Variants in VWA8 observed in about 807,000 individuals in gnomAD.
VWA8 encodes von Willebrand factor A domain containing 8.
In VWA8, 221 loss-of-function variants were observed where a neutral mutation model predicts 241.5. The ratio of observed to expected loss-of-function variants is 0.91; its 90% confidence interval spans 0.82 to 1.02. The LOEUF is 1.02. VWA8 is among the 50% of genes least tolerant of loss of function. The pLI is 0.00. For missense variants in VWA8, 2,322 were observed against 2,328.7 expected, an observed-to-expected ratio of 1.00 and a Z score of 0.06; for synonymous variants, 852 against 827.1, an observed-to-expected ratio of 1.03 and a Z score of -0.52.
At chr13:41,743,953 A>C (rs2045586059) in intron 21 of VWA8, among the ~76,000 whole-genome samples, 1 of 152,236 alleles carries the variant, frequency 6.6e-6, no homozygotes. Context: ...CTCAAAGTTA[A>C]ACCTTTCTCT....
chr13:41,805,578 C>T (rs1458038811), intron 17 of VWA8, among the ~76,000 whole-genome samples: 1 of 152,054 alleles, frequency 6.6e-6, no homozygotes, highest in Non-Finnish European at 1.5e-5. Flanking sequence ...CTTTGGGAGG[C>T]TGAGATGGGC....
chr13:41,880,680 C>T (rs572872360), intron 9 of VWA8, among the ~76,000 whole-genome samples: 7 of 152,284 alleles, frequency 4.6e-5, no homozygotes, highest in African/African-American at 1.7e-4. Flanking sequence ...TACAATGACC[C>T]TCAACCTAGA....
intron 20 of VWA8, among the ~76,000 whole-genome samples, chr13:41,776,303 T>C (rs1868590020): frequency 6.6e-6 from 1 of 152,146 alleles, no homozygotes; most frequent in Non-Finnish European, 1.5e-5. Context: ...GTGAAACTCT[T>C]ATAAAAAATT....
chr13:41,573,484 A>AAATAAAT (rs1566372316), intron 43 of VWA8, among the ~76,000 whole-genome samples: 3 of 117,018 alleles, frequency 2.6e-5, no homozygotes, highest in African/African-American at 7.5e-5. Context: ...TAAAAAAAAA[A>AAATAAAT]AAATATATAT....
intron 4 of VWA8, chr13:41,905,108 A>G (rs1875646044): frequency 6.6e-6 from 1 of 152,148 alleles, no homozygotes; most frequent in African/African-American, 2.4e-5. Flanking sequence ...CATATTTCAA[A>G]AGGCACTTAG....
intron 9 of VWA8, among the ~76,000 whole-genome samples, chr13:41,870,395 T>C (rs1434059191): frequency 6.6e-6 from 1 of 152,010 alleles, no homozygotes; most frequent in Non-Finnish European, 1.5e-5. Flanking sequence ...TCCCAGCACT[T>C]TGGGAGGCAG....
chr13:41,891,402 A>C lies in VWA8; in HGVS notation c.651+18T>G, dbSNP rs752482123. 1.6e-5 allele frequency: 26 copies of C among 1,613,734 alleles called. No homozygotes were observed. The highest frequency in any genetic ancestry group is 2.7e-5 in the African/African-American group (2 of 74,914). On this transcript the variant is annotated intron_variant, in intron 5 of 44. Transcript: ENST00000379310. ...AGCTTGACAGCAAAGACAAAGCAAC[A>C]GGATTTTCTTTTCTTACTCGGAGAA...
chr13:41,834,068 T>C (rs572818536), intron 12 of VWA8, among the ~76,000 whole-genome samples: 4 of 152,306 alleles, frequency 2.6e-5, no homozygotes, highest in Non-Finnish European at 4.4e-5. Context: ...AGAGGCTTGA[T>C]AATGGAGGAA....
At chr13:41,875,664 C>T (rs1593836512) in intron 9 of VWA8, among the ~76,000 whole-genome samples, 1 of 151,770 alleles carries the variant, frequency 6.6e-6, no homozygotes, top group African/African-American at 2.4e-5. Flanking sequence ...TTGCTGTTTC[C>T]TTCTCAGTCT....
Position 41,870,397 on chromosome 13 carries a change from G to A in VWA8, c.1081-1920C>T, listed in dbSNP as rs922706921. Among the ~76,000 whole-genome samples, 3 of 152,298 alleles carry A rather than the reference G, an allele frequency of 2.0e-5. No individual in the cohort carries two copies. The East Asian group carries it at 5.8e-4, about 29-fold the overall frequency. ...CTAATGCCTATAATCCCAGCACTTT[G>A]GGAGGCAGAGATGGGTGGATCACTT... On this transcript the variant is annotated intron_variant, in intron 9 of 44. Transcript: ENST00000379310.
At chr13:41,902,744 T>C (rs1181296433) in intron 4 of VWA8, among the ~76,000 whole-genome samples, 1 of 152,210 alleles carries the variant, frequency 6.6e-6, no homozygotes, top group Non-Finnish European at 1.5e-5. Context: ...CAGTTGAGTT[T>C]AAACCTCTTG....
chr13:41,740,357 A>T (rs895162490), intron 21 of VWA8, among the ~76,000 whole-genome samples: 1 of 152,200 alleles, frequency 6.6e-6, no homozygotes, highest in Non-Finnish European at 1.5e-5. Flanking sequence ...AAGCTATTCC[A>T]TAATATACCT....
chr13:41,844,345 TATA>T (rs1395564517), intron 12 of VWA8, among the ~76,000 whole-genome samples: 2 of 151,942 alleles, frequency 1.3e-5, no homozygotes, highest in African/African-American at 4.8e-5. Context: ...ATCAAAATAA[TATA>T]ATAAGAGCCA....
intron 2 of VWA8, among the ~76,000 whole-genome samples, chr13:41,939,496 A>G (rs1877501474): frequency 6.6e-6 from 1 of 152,124 alleles, no homozygotes; most frequent in Non-Finnish European, 1.5e-5. Flanking sequence ...AAAAAACTGA[A>G]GAGTAATCCA....
intron 18 of VWA8, among the ~76,000 whole-genome samples, chr13:41,784,697 C>CATATATATATATATATATAT (rs59582293): frequency 1.2e-4 from 7 of 57,012 alleles, no homozygotes; most frequent in Non-Finnish European, 1.8e-4. Context: ...TATACATATA[C>CATATATATATATATATATAT]ATATATATAT....
At chr13:41,615,467 G>T (rs1434952871) in intron 37 of VWA8, among the ~76,000 whole-genome samples, 1 of 152,126 alleles carries the variant, frequency 6.6e-6, no homozygotes, top group African/African-American at 2.4e-5. Flanking sequence ...CCACCTAGCT[G>T]ATCCAGCTGA....
At chr13:41,620,632 C>G (rs930447224) in intron 37 of VWA8, among the ~76,000 whole-genome samples, 1 of 152,204 alleles carries the variant, frequency 6.6e-6, no homozygotes, top group Non-Finnish European at 1.5e-5. Context: ...CCTCTACACA[C>G]TGCTTTAAAT....
intron 9 of VWA8, among the ~76,000 whole-genome samples, chr13:41,870,058 C>T (rs1333295779): frequency 6.6e-6 from 1 of 151,998 alleles, no homozygotes; most frequent in Non-Finnish European, 1.5e-5. Context: ...CAGTTCAAGT[C>T]TTCATTTTGA....
Position 41,784,731 on chromosome 13 carries a change from C to CAT in VWA8, c.2171-831_2171-830insAT, listed in dbSNP as rs1566456360. On this transcript the variant is annotated intron_variant, in intron 18 of 44. Transcript: ENST00000379310. ...ATATATATATATATATATATATATA[C>CAT]ACACACATATATATATATATATATA... is the stretch of plus-strand genomic sequence containing the variant. Among the ~76,000 whole-genome samples the CAT allele has an allele frequency of 2.1e-3, 86 of 40,658 alleles. 3 individuals carry two copies. Among genetic ancestry groups the CAT allele is most frequent in the South Asian group, 3.5e-3 (4 of 1,142 alleles). 26.7% of individuals were successfully genotyped at this position (40,658 alleles called of 152,430 possible).
Sources: gnomAD v4.1 joint callset for allele counts (sites outside exome capture counted in the v4.1 genomes callset) on GRCh38, gnomAD v4.1.1 for gene constraint, MANE v1.5 for transcripts, NCBI Gene and HGNC (gene_info 2026-07-23, HGNC 2026-07-21) for gene names.